CNTNAP2: variants seen among roughly 807,000 people sequenced by gnomAD.
CNTNAP2 encodes contactin-associated protein-like 2.
CNTNAP2 carries 98 observed loss-of-function variants against 155.2 expected under a neutral mutation model. The observed-to-expected ratio is 0.63, with a 90% CI of 0.54 to 0.75. CNTNAP2 has a LOEUF of 0.75. Ranked by LOEUF, CNTNAP2 falls within the 30% of genes least tolerant of loss-of-function variation. The pLI is 0.00. For synonymous variants in CNTNAP2, 651 were observed against 631.2 expected (o/e 1.03, Z -0.47); for missense variants, 1,727 against 1,688.1 (o/e 1.02, Z -0.40).
chr7:147,044,347 A>G (rs1181946425), intron 4 of CNTNAP2, among the ~76,000 whole-genome samples: 1 of 152,156 alleles, frequency 6.6e-6, no homozygotes, highest in Non-Finnish European at 1.5e-5. Context: ...AGACTAAATA[A>G]TAAAGCTTAT....
intron 1 of CNTNAP2, among the ~76,000 whole-genome samples, chr7:146,539,157 C>G (rs998729194): frequency 2.6e-5 from 4 of 151,992 alleles, no homozygotes; most frequent in Non-Finnish European, 5.9e-5. Context: ...AGTATCAAAT[C>G]GACACAGAAT....
intron 13 of CNTNAP2, among the ~76,000 whole-genome samples, chr7:147,739,756 A>G (rs1197798482): frequency 6.6e-6 from 1 of 152,128 alleles, no homozygotes; most frequent in African/African-American, 2.4e-5. Context: ...ATACATTTCT[A>G]TAATAAAATG....
chr7:146,204,340 T>TA (rs1353418563), intron 1 of CNTNAP2, among the ~76,000 whole-genome samples: 5 of 152,166 alleles, frequency 3.3e-5, no homozygotes, highest in Non-Finnish European at 7.4e-5. Flanking sequence ...AACTTGTTCT[T>TA]AAAACCTGTA....
At chr7:148,048,011 C>A (rs891530847) in intron 15 of CNTNAP2, among the ~76,000 whole-genome samples, 1 of 152,110 alleles carries the variant, frequency 6.6e-6, no homozygotes, top group Admixed American at 6.5e-5. Flanking sequence ...GCAAGCTCCA[C>A]CTCCCAGGTT....
At chr7:147,835,570 G>A (rs1010174813) in intron 13 of CNTNAP2, among the ~76,000 whole-genome samples, 7 of 152,146 alleles carry the variant, frequency 4.6e-5, no homozygotes, top group African/African-American at 1.7e-4. Context: ...ATGCTCAAGT[G>A]TAATCTAGTA....
intron 1 of CNTNAP2, among the ~76,000 whole-genome samples, chr7:146,356,259 C>T (rs1300242986): frequency 6.6e-6 from 1 of 152,166 alleles, no homozygotes; most frequent in Non-Finnish European, 1.5e-5. Flanking sequence ...ATAATTCTAA[C>T]AATCTTTGCA....
chr7:148,332,769 CTGTT>C (rs1798052443), intron 21 of CNTNAP2, among the ~76,000 whole-genome samples: 2 of 152,146 alleles, frequency 1.3e-5, no homozygotes, highest in African/African-American at 4.8e-5. Flanking sequence ...GCCTCTCAGG[CTGTT>C]TGTCCTTTTT....
intron 13 of CNTNAP2, among the ~76,000 whole-genome samples, chr7:147,745,543 T>C (rs543211994): frequency 1.6e-4 from 25 of 152,336 alleles, no homozygotes; most frequent in African/African-American, 5.8e-4. Flanking sequence ...AATTCCATAG[T>C]GTGTGTTGCT....
chr7:147,255,299 G>C (rs1804296495), intron 8 of CNTNAP2, among the ~76,000 whole-genome samples: 1 of 152,110 alleles, frequency 6.6e-6, no homozygotes, highest in African/African-American at 2.4e-5. Context: ...TCAACTCACT[G>C]CAACCTCCAC....
chr7:148,339,742 TC>T (rs1798194727), intron 21 of CNTNAP2: 1 of 152,238 alleles, frequency 6.6e-6, no homozygotes, highest in South Asian at 2.1e-4. Context: ...GGAGAGAGCG[TC>T]CGGGTGATGA....
intron 1 of CNTNAP2, among the ~76,000 whole-genome samples, chr7:146,754,127 A>G (rs1378851769): frequency 6.6e-6 from 1 of 151,944 alleles, no homozygotes; most frequent in African/African-American, 2.4e-5. Flanking sequence ...TCATATCTTA[A>G]TATTCTCTTT....
At chr7:148,327,533 CCT>C (rs59499448) in intron 21 of CNTNAP2, among the ~76,000 whole-genome samples, 8,968 of 152,194 alleles carry the variant, frequency 0.059, 721 homozygotes, top group East Asian at 0.41. Context: ...CCTCCTTATT[CCT>C]CTGTTCCATG....
chr7:146,672,545 C>T (rs188296438), intron 1 of CNTNAP2, among the ~76,000 whole-genome samples: 10 of 152,246 alleles, frequency 6.6e-5, no homozygotes, highest in Admixed American at 2.0e-4. Context: ...AGGAGAAACA[C>T]GGCAAAGTCA....
chr7:147,631,101 A>G (rs1042845342), intron 12 of CNTNAP2, among the ~76,000 whole-genome samples: 1 of 152,172 alleles, frequency 6.6e-6, no homozygotes, highest in Non-Finnish European at 1.5e-5. Flanking sequence ...AAGCTCCTAG[A>G]TATGATAAAT....
chr7:146,383,531 A>G lies in CNTNAP2; in HGVS notation c.97+266558A>G, dbSNP rs905498922. 2.0e-5 allele frequency among the ~76,000 whole-genome samples: 3 copies of G among 152,156 alleles called. No individual in the cohort carries two copies. In the East Asian group the frequency reaches 5.8e-4, roughly 29 times the overall value. ...AGCTACATGATTTTAAATACCCCATACATTCTAAATTGTAGGATATAATTT... is the reference window on the plus strand; with the variant it reads ...AGCTACATGATTTTAAATACCCCATGCATTCTAAATTGTAGGATATAATTT... On this transcript the variant is annotated intron_variant, in intron 1 of 23. Coordinates refer to ENST00000361727, the MANE Select transcript of CNTNAP2 (RefSeq NM_014141.6).
At chr7:147,716,252 A>G (rs1796479745) in intron 13 of CNTNAP2, among the ~76,000 whole-genome samples, 1 of 152,108 alleles carries the variant, frequency 6.6e-6, no homozygotes. Flanking sequence ...ACAGATATCG[A>G]GGATGCAGAC....
At chr7:148,281,841 T>TTG (rs1170355660) in intron 21 of CNTNAP2, among the ~76,000 whole-genome samples, 1 of 110,616 alleles carries the variant, frequency 9.0e-6, no homozygotes, top group East Asian at 2.0e-4. Flanking sequence ...TTTCCTTTTT[T>TTG]TTTTTTTTTT....
chr7:146,539,526 G>A lies in CNTNAP2; in HGVS notation c.98-234745G>A, dbSNP rs116630957. Among the ~76,000 whole-genome samples the A allele has an allele frequency of 7.2e-3, 1,084 of 150,800 alleles. 17 individuals carry two copies. The highest frequency in any genetic ancestry group is 0.025 in the African/African-American group (1,038 of 40,928). The stretch of plus-strand genomic sequence containing the variant: ...TGATTACCCAGAGACATAAAGCTAC[G>A]GTAGAAACATGAAAAAAAAAATACA... On this transcript the variant is annotated intron_variant, in intron 1 of 23. Coordinates refer to ENST00000361727, the MANE Select transcript of CNTNAP2 (RefSeq NM_014141.6).
chr7:147,047,105 CTTTTTTTTTT>C (rs34699998), intron 4 of CNTNAP2, among the ~76,000 whole-genome samples: 1 of 99,806 alleles, frequency 1.0e-5, no homozygotes, highest in African/African-American at 3.7e-5. Flanking sequence ...AGTTATGTTT[CTTTTTTTTTT>C]TTTTTTTTTT....
Sources: allele counts gnomAD v4.1 joint callset (sites outside exome capture counted in the v4.1 genomes callset), GRCh38; gene constraint gnomAD v4.1.1; transcripts MANE v1.5; gene names NCBI Gene and HGNC (gene_info 2026-07-23, HGNC 2026-07-21).